Variants in RCAN2 observed in about 807,000 individuals in gnomAD.
The protein encoded by RCAN2 is calcipressin-2.
Under a neutral mutation model 23.6 loss-of-function variants are expected in RCAN2, and 9 were observed. The ratio of observed to expected loss-of-function variants is 0.38; its 90% CI spans 0.23 to 0.67. The LOEUF (loss-of-function observed/expected upper bound fraction) is 0.67, where lower values mean the gene tolerates loss of function less well. Ranked by LOEUF, RCAN2 falls within the 30% of genes least tolerant of loss-of-function variation. The pLI is 0.51. For missense variants in RCAN2, 273 were observed against 302.3 expected, an observed-to-expected ratio of 0.90 and a Z score of 0.72; for synonymous variants, 109 against 115.7, an observed-to-expected ratio of 0.94 and a Z score of 0.37.
intron 2 of RCAN2, among the ~76,000 whole-genome samples, chr6:46,330,216 AC>A (rs1464241820): frequency 2.0e-5 from 3 of 152,282 alleles, no homozygotes; most frequent in Non-Finnish European, 4.4e-5. Flanking sequence ...CCCCAGACCA[AC>A]AGCATCAACA....
chr6:46,360,348 T>C (rs139860081), intron 2 of RCAN2, among the ~76,000 whole-genome samples: 1,603 of 151,734 alleles, frequency 0.011, 16 homozygotes, highest in Non-Finnish European at 0.015. Flanking sequence ...CTGGCTAACA[T>C]GGTGAAATCC....
chr6:46,415,127 A>G (rs1377171763), intron 2 of RCAN2, among the ~76,000 whole-genome samples: 3 of 152,164 alleles, frequency 2.0e-5, no homozygotes, highest in African/African-American at 7.2e-5. Context: ...TGATATAACC[A>G]TGGCTACCAT....
intron 2 of RCAN2, among the ~76,000 whole-genome samples, chr6:46,287,438 A>T (rs1762410778): frequency 1.3e-5 from 2 of 152,086 alleles, no homozygotes; most frequent in Admixed American, 6.6e-5. Flanking sequence ...GTTTACACAA[A>T]CCTTCTCTTT....
chr6:46,478,853 GGCT>G (rs1768781947), intron 1 of RCAN2, among the ~76,000 whole-genome samples: 1 of 152,222 alleles, frequency 6.6e-6, no homozygotes, highest in South Asian at 2.1e-4. Context: ...GCTTAAGTGA[GGCT>G]GGTACTACTT....
chr6:46,227,682 T>G (rs561290500), intron 4 of RCAN2, among the ~76,000 whole-genome samples: 1 of 152,336 alleles, frequency 6.6e-6, no homozygotes, highest in South Asian at 2.1e-4. Flanking sequence ...CTTTTCTTCT[T>G]TATTAGTCTT....
intron 4 of RCAN2, among the ~76,000 whole-genome samples, chr6:46,231,444 C>G (rs576366279): frequency 1.3e-5 from 2 of 149,682 alleles, no homozygotes; most frequent in African/African-American, 4.9e-5. Context: ...GAGTCCTGCT[C>G]TGCTGCCCAG....
chr6:46,274,613 C>G (rs886675269), intron 2 of RCAN2, among the ~76,000 whole-genome samples: 7 of 152,140 alleles, frequency 4.6e-5, no homozygotes, highest in Admixed American at 3.9e-4. Context: ...AAATCTGAAA[C>G]AGACAGCACC....
chr6:46,486,341 G>C (rs1476381819), intron 1 of RCAN2, among the ~76,000 whole-genome samples: 4 of 152,110 alleles, frequency 2.6e-5, no homozygotes, highest in Admixed American at 2.0e-4. Context: ...TCTGGAACAG[G>C]GGCAGCATTC....
intron 2 of RCAN2, among the ~76,000 whole-genome samples, chr6:46,441,165 T>C (rs1767530968): frequency 6.6e-6 from 1 of 152,220 alleles, no homozygotes; most frequent in Non-Finnish European, 1.5e-5. Flanking sequence ...AGGTCTAGTA[T>C]TATGCTGCCT....
At chr6:46,307,157 C>T (rs542037828) in intron 2 of RCAN2, among the ~76,000 whole-genome samples, 2 of 152,256 alleles carry the variant, frequency 1.3e-5, no homozygotes, top group East Asian at 3.9e-4. Flanking sequence ...AAATATTGAG[C>T]ACTATGCCAG....
At chr6:46,254,211 G>A (rs1766828081) in intron 2 of RCAN2, among the ~76,000 whole-genome samples, 1 of 152,132 alleles carries the variant, frequency 6.6e-6, no homozygotes, top group Non-Finnish European at 1.5e-5. Flanking sequence ...GACAACATAG[G>A]AACTGGTATT....
At chr6:46,328,247 A>G (rs1432404733) in intron 2 of RCAN2, among the ~76,000 whole-genome samples, 1 of 152,078 alleles carries the variant, frequency 6.6e-6, no homozygotes, top group African/African-American at 2.4e-5. Flanking sequence ...AGCACCCACT[A>G]ACTTTATGCT....
chr6:46,269,992 C>T (rs1408057677), intron 2 of RCAN2, among the ~76,000 whole-genome samples: 1 of 152,172 alleles, frequency 6.6e-6, no homozygotes, highest in Non-Finnish European at 1.5e-5. Context: ...GGGCTATTCT[C>T]ATGCAGGGAC....
intron 2 of RCAN2, among the ~76,000 whole-genome samples, chr6:46,426,300 T>C (rs1767029875): frequency 6.6e-6 from 1 of 152,242 alleles, no homozygotes; most frequent in South Asian, 2.1e-4. Flanking sequence ...AGAATGTTTC[T>C]AAACATAGAT....
At chr6:46,297,513 C>T (rs184681441) in intron 2 of RCAN2, among the ~76,000 whole-genome samples, 262 of 152,088 alleles carry the variant, frequency 1.7e-3, no homozygotes, top group Non-Finnish European at 3.2e-3. Flanking sequence ...AGACACCCCC[C>T]GCTTTGCCTA....
At chr6:46,300,516 C>A (rs1416780092) in intron 2 of RCAN2, among the ~76,000 whole-genome samples, 3 of 151,902 alleles carry the variant, frequency 2.0e-5, no homozygotes, top group Admixed American at 2.0e-4. Context: ...CCCACAGATC[C>A]CTGATAAATC....
intron 2 of RCAN2, among the ~76,000 whole-genome samples, chr6:46,297,112 A>G (rs556610438): frequency 6.6e-6 from 1 of 152,266 alleles, no homozygotes; most frequent in African/African-American, 2.4e-5. Context: ...GTGTCCCTTT[A>G]TCATGTTTCA....
At chr6:46,298,960 C>T (rs1042303803) in intron 2 of RCAN2, among the ~76,000 whole-genome samples, 2 of 152,014 alleles carry the variant, frequency 1.3e-5, no homozygotes, top group African/African-American at 4.8e-5. Context: ...TTTGCTGCAA[C>T]ATGGATGCAG....
chr6:46,301,669 G>A (rs539697308), intron 2 of RCAN2, among the ~76,000 whole-genome samples: 20 of 152,196 alleles, frequency 1.3e-4, no homozygotes, highest in Non-Finnish European at 2.8e-4. Context: ...CAATGGTGAA[G>A]TGATGAGAAG....
Sources: allele counts gnomAD v4.1 joint callset (sites outside exome capture counted in the v4.1 genomes callset), GRCh38; gene constraint gnomAD v4.1.1; transcripts MANE v1.5; gene names NCBI Gene and HGNC (gene_info 2026-07-23, HGNC 2026-07-21).